TDRD1: variants seen among roughly 807,000 people sequenced by gnomAD.
TDRD1 encodes the protein tudor domain-containing protein 1.
TDRD1 carries 37 observed loss-of-function variants against 140.6 expected under a neutral mutation model. The observed-to-expected ratio is 0.26, with a 90% confidence interval of 0.20 to 0.35. The LOEUF is 0.35. Among genes scored for constraint, TDRD1 ranks in the 10% least tolerant of loss-of-function variants. TDRD1 has a pLI of 1.00. For synonymous variants in TDRD1, 506 were observed against 475.7 expected (o/e 1.06, Z -0.83); for missense variants, 1,243 against 1,393.0 (o/e 0.89, Z 1.71).
At position 114,230,583 on chromosome 10, in the gene TDRD1, A is replaced by G. The variant is rs567373156; in HGVS notation, c.3539-903A>G. On this transcript the variant is annotated intron_variant, in intron 25 of 25. Coordinates refer to ENST00000251864, the Ensembl canonical transcript of TDRD1. ...CTTACGACTTAAAACAGTTGTGTCA[A>G]CTTCCCTGAGCTGCTACGTGTACAG... 5.9e-5 allele frequency among the ~76,000 whole-genome samples: 9 copies of G among 152,330 alleles called. No individual in the cohort carries two copies. In the East Asian group the frequency reaches 1.4e-3, roughly 23 times the overall value.
At chr10:114,206,100 A>T (rs568319240) in intron 10 of TDRD1, 144 bp from the exon 11 acceptor site, 53 of 618,924 alleles carry the variant, frequency 8.6e-5, no homozygotes, top group Non-Finnish European at 1.4e-4. Flanking sequence ...GCTTACCCAT[A>T]GGAACTGAAT....
chr10:114,200,076 A>C (rs902640219), intron 4 of TDRD1, among the ~76,000 whole-genome samples: 1 of 152,176 alleles, frequency 6.6e-6, no homozygotes, highest in African/African-American at 2.4e-5. Flanking sequence ...ACTGGGAAGG[A>C]GTTTTGGTTG....
At chr10:114,221,410 A>T in exon 20 of TDRD1, 1 of 1,613,484 alleles carries the variant, frequency 6.2e-7, no homozygotes, top group Non-Finnish European at 8.5e-7. Context: ...GGATAAAACT[A>T]TACAAGCAAA....
chr10:114,228,128 T>G (rs772474325), intron 25 of TDRD1: 2 of 1,579,082 alleles, frequency 1.3e-6, no homozygotes, highest in African/African-American at 2.7e-5. Context: ...GTTAAAAAGT[T>G]AAGTAAGTTA....
chr10:114,231,426 G>A (rs1009286390), intron 25 of TDRD1: 10 of 1,354,858 alleles, frequency 7.4e-6, no homozygotes, highest in Middle Eastern at 1.8e-4. Context: ...GAAATTAAAA[G>A]CCATAGCAAT....
exon 2 of TDRD1, chr10:114,187,849 A>G: frequency 3.8e-6 from 6 of 1,594,422 alleles, no homozygotes; most frequent in East Asian, 2.2e-5. Flanking sequence ...TTAAATCGCC[A>G]TTTAATGTGA....
At position 114,187,910 on chromosome 10, in the gene TDRD1, A is replaced by G. The variant is rs575301130; in HGVS notation, c.79A>G (p.Asn27Asp). ...TCCTTGTAAGATGACAGAGCCATTTAATTTTGAGAAAAATGAAAACAAGCT... is the reference window on the plus strand; with the variant it reads ...TCCTTGTAAGATGACAGAGCCATTTGATTTTGAGAAAAATGAAAACAAGCT... Residue 27 changes from asparagine (N) to aspartate (D), a missense_variant, in exon 2 of 26, where the codon AAT (asparagine) becomes GAT (aspartate). Coordinates refer to ENST00000251864, the Ensembl canonical transcript of TDRD1. The G allele has an allele frequency of 7.4e-6, 12 of 1,613,144 alleles. No individual in the cohort carries two copies. In the East Asian group the frequency reaches 2.7e-4, roughly 36 times the overall value.
At chr10:114,224,577 T>C (rs1467265086) in intron 21 of TDRD1, among the ~76,000 whole-genome samples, 1 of 152,250 alleles carries the variant, frequency 6.6e-6, no homozygotes, top group East Asian at 1.9e-4. Flanking sequence ...CTCTTCTCTC[T>C]TTCATCTTTT....
At chr10:114,177,788 T>C (rs2032734282), upstream of TDRD1, among the ~76,000 whole-genome samples, 1 of 152,124 alleles carries the variant, frequency 6.6e-6, no homozygotes, top group African/African-American at 2.4e-5. Context: ...ACGATGTGGC[T>C]TCTGTCAGAA....
At chr10:114,198,677 G>T (rs12240305) in intron 3 of TDRD1, among the ~76,000 whole-genome samples, 34,386 of 152,036 alleles carry the variant, frequency 0.23, 4,041 homozygotes, top group Middle Eastern at 0.28. Context: ...GGGTCTCACT[G>T]TGTTGGCCAG....
chr10:114,186,325 A>G (rs36013705), intron 1 of TDRD1, among the ~76,000 whole-genome samples: 39,190 of 151,928 alleles, frequency 0.26, 5,363 homozygotes, highest in African/African-American at 0.33. Context: ...GTGCAGTGGC[A>G]CAATCTCGGC....
At chr10:114,227,212 A>G in exon 23 of TDRD1, 1 of 1,614,148 alleles carries the variant, frequency 6.2e-7, no homozygotes, top group Non-Finnish European at 8.5e-7. Flanking sequence ...ATGTTCTGAG[A>G]ATGGGACTGT....
intron 4 of TDRD1, 119 bp downstream of exon 4, chr10:114,199,436 C>A: frequency 1.6e-6 from 2 of 1,262,590 alleles, no homozygotes; most frequent in Non-Finnish European, 2.1e-6. Flanking sequence ...GCCACACACC[C>A]GTCTCAGCCT....
rs762674911 is a variant in TDRD1 at position 114,226,115 on chromosome 10, C to G, written c.3074C>G (p.Ala1025Gly). 3.1e-6 allele frequency: 5 copies of G among 1,613,688 alleles called. No individual in the cohort carries two copies. The South Asian group carries it at 5.5e-5, about 18-fold the overall frequency. The change falls in exon 22 of 26, where the codon GCA becomes GGA. Residue 1025 changes from alanine to glycine, a missense_variant. Ala to Gly is a moderately conservative substitution (Grantham distance 60). Around this residue, in one of 5 missense-constraint regions of TDRD1, gnomAD observed 601 missense variants for 734.7 expected, o/e 0.82. Transcript: ENST00000251864. ...GACACTGATGTGGAAGTGCTCTATGCAGACTATGGAAACATTGAAACCCTG... is the reference window on the plus strand; with the variant it reads ...GACACTGATGTGGAAGTGCTCTATGGAGACTATGGAAACATTGAAACCCTG...
chr10:114,206,034 T>TCA (rs754161070), intron 10 of TDRD1, among the ~76,000 whole-genome samples: 22 of 152,200 alleles, frequency 1.4e-4, no homozygotes, highest in Non-Finnish European at 2.4e-4. Context: ...GAGAAAAAAT[T>TCA]CTGTCAAGTG....
chr10:114,204,770 A>G (rs2034993836), exon 10 of TDRD1: 2 of 1,601,738 alleles, frequency 1.2e-6, no homozygotes, highest in African/African-American at 1.3e-5. Context: ...AGGGAATTGG[A>G]GCAGTGATTG....
intron 1 of TDRD1, among the ~76,000 whole-genome samples, chr10:114,180,708 G>A (rs1192669111): frequency 6.6e-6 from 1 of 152,018 alleles, no homozygotes; most frequent in African/African-American, 2.4e-5. Flanking sequence ...CAGGTGATCC[G>A]CCCACCTCGG....
chr10:114,199,123 T>G (rs372893018), intron 3 of TDRD1, 50 bp from the exon 4 acceptor site: 1 of 1,575,974 alleles, frequency 6.3e-7, no homozygotes, highest in Non-Finnish European at 8.6e-7. Flanking sequence ...AGTATTTAAA[T>G]GGAAAAGTTA....
intron 2 of TDRD1, 50 bp from the exon 3 acceptor site, chr10:114,190,911 A>G (rs1317295627): frequency 1.9e-6 from 3 of 1,569,378 alleles, no homozygotes; most frequent in South Asian, 2.2e-5. Flanking sequence ...ATTATTAGCA[A>G]TAAAAAGTAT....
Sources: gnomAD v4.1 joint callset for allele counts (sites outside exome capture counted in the v4.1 genomes callset) on GRCh38, gnomAD v4.1.1 for gene constraint, gnomAD v4.1.1 regional missense constraint, MANE v1.5 for transcripts, NCBI Gene and HGNC (gene_info 2026-07-23, HGNC 2026-07-21) for gene names.